Variants in ZC2HC1A observed in about 807,000 individuals in gnomAD.
ZC2HC1A encodes the protein zinc finger C2HC-type containing 1A, also known as zinc finger C2HC domain-containing protein 1A.
ZC2HC1A carries 28 observed loss-of-function variants against 40.7 expected under a neutral mutation model. The ratio of observed to expected loss-of-function variants is 0.69; its 90% CI spans 0.51 to 0.94. The LOEUF (loss-of-function observed/expected upper bound fraction) is 0.94. ZC2HC1A is among the 40% of genes least tolerant of loss of function. ZC2HC1A has a pLI of 0.00. For missense variants in ZC2HC1A, 389 were observed against 386.3 expected, an observed-to-expected ratio of 1.01 and a Z score of -0.06; for synonymous variants, 129 against 129.2, an observed-to-expected ratio of 1.00 and a Z score of 0.01.
intron 4 of ZC2HC1A, among the ~76,000 whole-genome samples, chr8:78,687,713 TTTAC>T (rs1248212115): frequency 2.6e-4 from 24 of 91,706 alleles, no homozygotes; most frequent in Non-Finnish European, 3.3e-4. Flanking sequence ...TATATATATA[TTTAC>T]GTAATACATT....
intron 7 of ZC2HC1A, among the ~76,000 whole-genome samples, chr8:78,704,387 CAAA>C (rs1307275741): frequency 7.7e-5 from 5 of 65,284 alleles, no homozygotes; most frequent in Admixed American, 1.8e-4. Flanking sequence ...GACTCCATCT[CAAA>C]AAAAAAAAAA....
At chr8:78,684,024 T>C (rs192599102) in intron 3 of ZC2HC1A, among the ~76,000 whole-genome samples, 29 of 152,320 alleles carry the variant, frequency 1.9e-4, no homozygotes, top group Non-Finnish European at 4.0e-4. Context: ...AGCATTTTGG[T>C]CAAAACCATT....
chr8:78,685,039 AT>A (rs1288707443), intron 3 of ZC2HC1A, among the ~76,000 whole-genome samples: 3 of 152,214 alleles, frequency 2.0e-5, no homozygotes, highest in African/African-American at 7.2e-5. Flanking sequence ...AAAAAGCTTA[AT>A]AAAATATTAG....
chr8:78,666,273 TCGCCGCGTCC>T, intron 1 of ZC2HC1A, 109 bp downstream of exon 1: 2 of 1,494,456 alleles, frequency 1.3e-6, no homozygotes, highest in Non-Finnish European at 1.8e-6. Flanking sequence ...GCGGCGGACC[TCGCCGCGTCC>T]CGCCGCGCCT....
intron 4 of ZC2HC1A, among the ~76,000 whole-genome samples, chr8:78,687,462 T>TTA (rs915792673): frequency 6.9e-6 from 1 of 145,698 alleles, no homozygotes; most frequent in Non-Finnish European, 1.5e-5. Flanking sequence ...ATATACATAA[T>TTA]TATATATATA....
intron 3 of ZC2HC1A, among the ~76,000 whole-genome samples, chr8:78,685,119 C>T (rs1054688319): frequency 7.9e-5 from 12 of 151,800 alleles, no homozygotes; most frequent in African/African-American, 2.7e-4. Flanking sequence ...TAGTCAGAAC[C>T]GTGGAATGGA....
chr8:78,695,550 C>T (rs373397215), intron 5 of ZC2HC1A, among the ~76,000 whole-genome samples: 1 of 152,096 alleles, frequency 6.6e-6, no homozygotes, highest in Admixed American at 6.6e-5. Flanking sequence ...ATTTTATTAA[C>T]TCTGTTTTTA....
In ZC2HC1A at chr8:78,697,491, G is replaced by A; in HGVS notation, c.589G>A (p.Gly197Ser). The A allele has an allele frequency of 6.2e-7, 1 of 1,607,372 alleles. No homozygotes were observed. Among genetic ancestry groups the A allele is most frequent in the South Asian group, 1.1e-5 (1 of 89,512 alleles). Reference protein sequence around the residue: ...SSRLPQPSGAGKTVVGVPSGK... With the variant: ...SSRLPQPSGASKTVVGVPSGK... ...ACGATTACCGCAGCCAAGTGGCGCT[G>A]GCAAAACTGTTGTAGGTAATGATAG... The change falls in exon 6 of 9, where the codon GGC becomes AGC. Residue 197 changes from glycine (G) to serine (S), a missense_variant. Transcript: ENST00000263849.
intron 1 of ZC2HC1A, among the ~76,000 whole-genome samples, chr8:78,671,107 A>G (rs554803410): frequency 6.6e-6 from 1 of 152,362 alleles, no homozygotes; most frequent in Non-Finnish European, 1.5e-5. Context: ...TTAATTTCCA[A>G]GATTTCTTTG....
chr8:78,666,134 C>G lies in ZC2HC1A; in HGVS notation c.-15C>G, dbSNP rs528880191. 33 of 1,568,452 alleles carry G rather than the reference C, an allele frequency of 2.1e-5. No individual in the cohort carries two copies. In the Admixed American group the frequency reaches 4.2e-4, roughly 20 times the overall value. On this transcript the variant is annotated 5_prime_UTR_variant, in exon 1 of 9. Coordinates refer to ENST00000263849, the MANE Select transcript of ZC2HC1A (RefSeq NM_016010.3). Reference sequence around the variant, plus strand: ...GCTGCTGAAGGAGTCTCGCTGAGCTCGAGGAGGTGGCGCGATGGAGGGACT... The same window carrying G: ...GCTGCTGAAGGAGTCTCGCTGAGCTGGAGGAGGTGGCGCGATGGAGGGACT...
At chr8:78,694,531 C>T (rs1174082711) in intron 5 of ZC2HC1A, among the ~76,000 whole-genome samples, 1 of 152,110 alleles carries the variant, frequency 6.6e-6, no homozygotes, top group East Asian at 1.9e-4. Context: ...ACAGCAAATC[C>T]ATGTGATGTT....
chr8:78,677,842 A>G (rs1016789448), intron 2 of ZC2HC1A, among the ~76,000 whole-genome samples: 43 of 152,204 alleles, frequency 2.8e-4, no homozygotes, highest in Admixed American at 6.5e-5. Flanking sequence ...AAAGTAAAGG[A>G]ATGAAAGAAC....
intron 1 of ZC2HC1A, among the ~76,000 whole-genome samples, chr8:78,667,520 A>G (rs1809332721): frequency 6.6e-6 from 1 of 152,120 alleles, no homozygotes; most frequent in Non-Finnish European, 1.5e-5. Flanking sequence ...AGTGTTTTGA[A>G]CAGTTTGCAG....
chr8:78,694,351 T>C (rs1427070963), intron 5 of ZC2HC1A, among the ~76,000 whole-genome samples: 2 of 152,042 alleles, frequency 1.3e-5, no homozygotes, highest in African/African-American at 4.8e-5. Context: ...TGACCTTTGC[T>C]GCTTGTTACA....
Position 78,686,659 on chromosome 8 carries a change from T to TA in ZC2HC1A, c.352+52dup, listed in dbSNP as rs766002074. ...TGTTCATGTGGAAAGAAAATAATGA[T>TA]AGAGTTTTTATAAATTTTCACTTGT... On this transcript the variant is annotated intron_variant, in intron 4 of 8. Coordinates refer to ENST00000263849, the MANE Select transcript of ZC2HC1A (RefSeq NM_016010.3). 2.9e-6 allele frequency: 4 copies of TA among 1,401,336 alleles called. No homozygotes were observed. In the East Asian group the frequency reaches 7.8e-5, roughly 27 times the overall value. The allele number at this position is 1,401,336 out of a possible 1,614,324, so 86.8% of individuals were successfully genotyped here. A position where few individuals can be genotyped will look rare whatever the true frequency, so the allele number is the denominator to read the frequency against.
intron 1 of ZC2HC1A, among the ~76,000 whole-genome samples, chr8:78,673,177 G>C (rs1809482541): frequency 6.6e-6 from 1 of 152,042 alleles, no homozygotes; most frequent in African/African-American, 2.4e-5. Flanking sequence ...TTGATTTTCT[G>C]TTCCTGTGTT....
At chr8:78,687,536 T>G (rs1810034396) in intron 4 of ZC2HC1A, among the ~76,000 whole-genome samples, 1 of 143,778 alleles carries the variant, frequency 7.0e-6, no homozygotes, top group Non-Finnish European at 1.5e-5. Flanking sequence ...AATTATATAT[T>G]TATATAATAA....
chr8:78,715,356 C>G, intron 8 of ZC2HC1A, 28 bp downstream of exon 8: 4 of 1,569,962 alleles, frequency 2.5e-6, no homozygotes, highest in Non-Finnish European at 2.6e-6. Flanking sequence ...CTCCCAATAA[C>G]TAAAATAAAA....
chr8:78,667,060 C>G (rs80205837), intron 1 of ZC2HC1A, among the ~76,000 whole-genome samples: 5,627 of 152,270 alleles, frequency 0.037, 312 homozygotes, highest in African/African-American at 0.13. Flanking sequence ...CCCCCGTCTC[C>G]TAGTTTACAC....
Sources: allele counts gnomAD v4.1 joint callset (sites outside exome capture counted in the v4.1 genomes callset), GRCh38; gene constraint gnomAD v4.1.1; transcripts MANE v1.5; gene names NCBI Gene and HGNC (gene_info 2026-07-23, HGNC 2026-07-21).